Variants in EFR3A observed in about 807,000 individuals in gnomAD.
EFR3A encodes the protein protein EFR3 homolog A.
Under a neutral mutation model 104.4 loss-of-function variants are expected in EFR3A, and 76 were observed. The observed-to-expected ratio is 0.73, with a 90% confidence interval of 0.60 to 0.88. The LOEUF (loss-of-function observed/expected upper bound fraction) is 0.88. EFR3A is among the 40% of genes least tolerant of loss of function. EFR3A has a pLI of 0.00. For missense variants in EFR3A, 985 were observed against 1,012.5 expected (o/e 0.97, Z 0.37); for synonymous variants, 330 against 330.0 (o/e 1.00, Z 0.00).
At chr8:132,009,361 A>AT (rs1007349542) in intron 22 of EFR3A, among the ~76,000 whole-genome samples, 4 of 151,982 alleles carry the variant, frequency 2.6e-5, no homozygotes, top group East Asian at 3.9e-4. Flanking sequence ...TAGTAAGATA[A>AT]TTTTTTTTAA....
chr8:131,960,980 A>C (rs1819286485), intron 8 of EFR3A, among the ~76,000 whole-genome samples: 1 of 152,222 alleles, frequency 6.6e-6, no homozygotes, highest in Non-Finnish European at 1.5e-5. Flanking sequence ...GCGAACTCCC[A>C]ACAGACCTGC....
chr8:131,912,496 A>C (rs905709969), intron 1 of EFR3A, among the ~76,000 whole-genome samples: 1 of 152,222 alleles, frequency 6.6e-6, no homozygotes, highest in Non-Finnish European at 1.5e-5. Flanking sequence ...AGTAGAAAAG[A>C]CAGAAGTTTA....
At chr8:131,916,550 A>G (rs1479135904) in intron 1 of EFR3A, among the ~76,000 whole-genome samples, 4 of 152,236 alleles carry the variant, frequency 2.6e-5, no homozygotes, top group Admixed American at 2.6e-4. Flanking sequence ...TAGGAGTAAT[A>G]GTGCATAAAA....
Position 132,011,015 on chromosome 8 carries a change from C to A in EFR3A, c.*120C>A. 8.4e-6 allele frequency: 11 copies of A among 1,306,924 alleles called. No individual in the cohort carries two copies. Among genetic ancestry groups the A allele is most frequent in the Non-Finnish European group, 9.8e-6 (10 of 1,017,296 alleles). 81.0% of individuals were successfully genotyped at this position (1,306,924 alleles called of 1,614,324 possible). A position where few individuals can be genotyped will look rare whatever the true frequency, so the allele number is the denominator to read the frequency against. ...TCTTGAAAATAATGATGGAACATAT[C>A]TTTAACCAAATGTTTGGCATACCAT... On this transcript the variant is annotated 3_prime_UTR_variant, in exon 23 of 23. Transcript: ENST00000254624.
rs146908122 is a variant in EFR3A, at chr8:131,984,968, C to T, written c.1777C>T (p.His593Tyr). ...IINEDNLPMF[H>Y]RCGIMALVAA... ...CAATGAGGATAATTTGCCAATGTTC[C>T]ATCGTTGTGGAATCATGGCACTGGT... is the stretch of plus-strand genomic sequence containing the variant. Residue 593 changes from histidine to tyrosine, a missense_variant, in exon 16 of 23, where the codon CAT (histidine) becomes TAT (tyrosine). Physicochemically the swap from His to Tyr is moderately conservative, Grantham distance 83 (BLOSUM62 2). Transcript: ENST00000254624. 4.3e-6 allele frequency: 7 copies of T among 1,613,452 alleles called. No homozygotes were observed. Among genetic ancestry groups the T allele is most frequent in the East Asian group, 2.2e-5 (1 of 44,858 alleles).
In EFR3A at chr8:131,977,045, T is replaced by C. The variant is rs745379392; in HGVS notation, c.1279T>C (p.Leu427=). The C allele has an allele frequency of 1.9e-6, 3 of 1,599,116 alleles. No individual in the cohort carries two copies. In the South Asian group the frequency reaches 3.4e-5, roughly 18 times the overall value. ...HTLDISQLGD[L]GTRRIQIMLL... is the part of the protein sequence containing the mutation. The stretch of plus-strand genomic sequence containing the variant: ...TCAGCCTTTTGTATATTTTAGGGAT[T>C]TGGGAACCAGGAGAATTCAGATAAT... The change falls in exon 12 of 23, where the codon TTG becomes CTG. Residue 427 remains leucine, a synonymous_variant. Transcript: ENST00000254624.
At chr8:131,985,163 A>T in intron 16 of EFR3A, 103 bp downstream of exon 16, 1 of 1,172,370 alleles carries the variant, frequency 8.5e-7, no homozygotes, top group Admixed American at 2.2e-5. Context: ...TATCAAATTA[A>T]GGTAATTCTA....
In EFR3A at chr8:131,959,601, A is replaced by T; in HGVS notation, c.793A>T (p.Lys265Ter). ...RPVFAHLDHH[K>*]LWDPNEFAVH... Reference sequence around the variant, plus strand: ...TATTTGCAGGCATTTAGATCATCACAAACTGTGGGATCCCAATGAATTTGC... The same window carrying T: ...TATTTGCAGGCATTTAGATCATCACTAACTGTGGGATCCCAATGAATTTGC... The change falls in exon 8 of 23, where the codon AAA becomes TAA. Residue 265 changes from lysine to a stop codon, truncating the protein, a stop_gained. Transcript: ENST00000254624. LOFTEE classifies it high-confidence loss of function. 1 of 1,612,026 alleles carries T rather than the reference A, an allele frequency of 6.2e-7. No homozygotes were observed. Among genetic ancestry groups the T allele is most frequent in the Non-Finnish European group, 8.5e-7 (1 of 1,179,220 alleles).
In EFR3A at chr8:132,010,816, T is replaced by C. The variant is rs372509434; in HGVS notation, c.2387T>C (p.Leu796Pro). 1 of 1,612,470 alleles carries C rather than the reference T, an allele frequency of 6.2e-7. No homozygotes were observed. Among genetic ancestry groups the C allele is most frequent in the Non-Finnish European group, 8.5e-7 (1 of 1,178,838 alleles). Residue 796 changes from leucine (L) to proline (P), a missense_variant, in exon 23 of 23, where the codon CTG becomes CCG. Physicochemically the swap from Leu to Pro is moderately conservative, Grantham distance 98. Transcript: ENST00000254624. ...CCTCCTCCCAGTCCATCAGGAACACTGACCATTACTTCTGGGCATGCCCAA... is the reference window on the plus strand; with the variant it reads ...CCTCCTCCCAGTCCATCAGGAACACCGACCATTACTTCTGGGCATGCCCAA... ...IRPPPSPSGT[L>P]TITSGHAQYQ...
chr8:131,992,844 G>T (rs922555612), intron 18 of EFR3A, among the ~76,000 whole-genome samples: 1 of 152,132 alleles, frequency 6.6e-6, no homozygotes, highest in South Asian at 2.1e-4. Flanking sequence ...AGAGAGCCTA[G>T]AATGTCCTTT....
chr8:131,913,235 T>C (rs553152575), intron 1 of EFR3A, among the ~76,000 whole-genome samples: 1 of 151,842 alleles, frequency 6.6e-6, no homozygotes, highest in East Asian at 1.9e-4. Context: ...ATGATTAATA[T>C]GTCAGACATG....
At position 131,948,617 on chromosome 8, in the gene EFR3A, T is replaced by C. The variant is rs1043492459; in HGVS notation, c.367-1352T>C. ...GGAATGTTTTGGGAAAGTGGCTTAC[T>C]AGCTAGGGGGAGAATTTTAGTATAC... On this transcript the variant is annotated intron_variant, in intron 4 of 22. Transcript: ENST00000254624. Among the ~76,000 whole-genome samples, 4 of 152,262 alleles carry C rather than the reference T, an allele frequency of 2.6e-5. No homozygotes were observed. In the East Asian group the frequency reaches 7.7e-4, roughly 29 times the overall value.
In EFR3A at chr8:131,970,537, C is replaced by A; in HGVS notation, c.1053C>A (p.Phe351Leu). 2 of 1,613,840 alleles carry A rather than the reference C, an allele frequency of 1.2e-6. No homozygotes were observed. The highest frequency in any genetic ancestry group is 1.1e-5 in the South Asian group (1 of 91,068). Residue 351 changes from phenylalanine to leucine, a missense_variant, in exon 10 of 23, where the codon TTC becomes TTA. Phe to Leu is a conservative substitution (Grantham distance 22). Coordinates refer to ENST00000254624, the MANE Select transcript of EFR3A (RefSeq NM_015137.6). ...AACATCTGCGTCTCAGCGTTGAATT[C>A]GAAGCAAATGATTTACAGGGGGGAT... ...LLKHLRLSVE[F>L]EANDLQGGSV...
At chr8:131,947,456 G>A (rs1818495900) in intron 4 of EFR3A, among the ~76,000 whole-genome samples, 1 of 149,828 alleles carries the variant, frequency 6.7e-6, no homozygotes, top group Admixed American at 6.6e-5. Context: ...CCATTTCTAT[G>A]GTTTTGTCTT....
At chr8:131,936,181 A>G (rs970766510) in intron 1 of EFR3A, among the ~76,000 whole-genome samples, 1 of 152,098 alleles carries the variant, frequency 6.6e-6, no homozygotes, top group Non-Finnish European at 1.5e-5. Context: ...TGGCATCACT[A>G]CTGTTTAGGG....
intron 19 of EFR3A, 134 bp downstream of exon 19, chr8:131,996,631 A>G: frequency 1.9e-6 from 1 of 537,914 alleles, no homozygotes; most frequent in Non-Finnish European, 3.2e-6. Flanking sequence ...TTATTAGTAG[A>G]AATTAATCTG....
intron 10 of EFR3A, among the ~76,000 whole-genome samples, chr8:131,972,458 T>C (rs1034958784): frequency 2.2e-4 from 33 of 151,854 alleles, no homozygotes; most frequent in African/African-American, 7.7e-4. Flanking sequence ...TTTTTAAATT[T>C]TCTTTTTTTT....
chr8:131,961,004 G>A (rs1393530935), intron 8 of EFR3A, among the ~76,000 whole-genome samples: 1 of 152,160 alleles, frequency 6.6e-6, no homozygotes. Context: ...TGAGGGTCCT[G>A]ACTGTTAGAA....
At chr8:131,938,491 C>G (rs1319616674) in intron 1 of EFR3A, among the ~76,000 whole-genome samples, 4 of 151,762 alleles carry the variant, frequency 2.6e-5, no homozygotes, top group African/African-American at 7.3e-5. Context: ...AAATTTTAAC[C>G]TATATGCCTT....
Sources: gnomAD v4.1 joint callset for allele counts (sites outside exome capture counted in the v4.1 genomes callset) on GRCh38, gnomAD v4.1.1 for gene constraint, MANE v1.5 for transcripts, NCBI Gene and HGNC (gene_info 2026-07-23, HGNC 2026-07-21) for gene names.